Variants in KLF16 observed in about 807,000 individuals in gnomAD.
KLF16 encodes KLF transcription factor 16.
A neutral mutation model predicts 6.1 loss-of-function variants in KLF16; 6 were observed. That is an observed-to-expected ratio of 0.98 (90% CI 0.54 to 1.93). KLF16 has a LOEUF of 1.93. Among genes scored for constraint, KLF16 ranks in the 30% most tolerant of loss-of-function variants. The pLI, the probability that KLF16 is intolerant of heterozygous loss-of-function variation, is 0.01. For synonymous variants in KLF16, 211 were observed against 176.5 expected (o/e 1.20, Z -1.55); for missense variants, 355 against 363.8 (o/e 0.98, Z 0.20).
At chr19:1,855,450 C>T (rs1332775295) in intron 1 of KLF16, among the ~76,000 whole-genome samples, 3 of 147,334 alleles carry the variant, frequency 2.0e-5, no homozygotes, top group Admixed American at 6.7e-5. Context: ...CGGGAAGGGG[C>T]GGGGCCCGGC....
In KLF16 at chr19:1,857,198, G is replaced by A. The variant is rs964696054; in HGVS notation, c.458-2438C>T. Among the ~76,000 whole-genome samples, 1 of 152,190 alleles carries A rather than the reference G, an allele frequency of 6.6e-6. No homozygotes were observed. Among genetic ancestry groups the A allele is most frequent in the African/African-American group, 2.4e-5 (1 of 41,452 alleles). The stretch of plus-strand genomic sequence containing the variant: ...GTGGGTGGCGGGGCAGGGGGTGCAC[G>A]GGCTACCCACCCACGCTGCGCTGGG... On this transcript the variant is annotated intron_variant, in intron 1 of 1. Transcript: ENST00000250916. The surrounding 1 kb of genome is among the most constrained non-coding windows in gnomAD (Gnocchi z 4.7).
chr19:1,864,578 AGGGCT>A (rs762094287), upstream of KLF16, among the ~76,000 whole-genome samples: 16 of 147,298 alleles, frequency 1.1e-4, no homozygotes, highest in South Asian at 2.3e-4. Context: ...CCGAACGCAA[AGGGCT>A]GGGCTGGGCT....
chr19:1,863,528 G>T lies in KLF16; in HGVS notation c.-31C>A. Reference sequence around the variant, plus strand: ...GCAAGGGCGCGCGGCGCGGCGGGCGGAGCGGAGGCGGCGGGAGCGGCGTCC... The same window carrying T: ...GCAAGGGCGCGCGGCGCGGCGGGCGTAGCGGAGGCGGCGGGAGCGGCGTCC... On this transcript the variant is annotated 5_prime_UTR_variant, in exon 1 of 2. Coordinates refer to ENST00000250916, the MANE Select transcript of KLF16 (RefSeq NM_031918.4). 2.1e-6 allele frequency: 2 copies of T among 967,168 alleles called. No individual in the cohort carries two copies. Among genetic ancestry groups the T allele is most frequent in the South Asian group, 9.1e-5 (2 of 21,954 alleles). 59.9% of individuals were successfully genotyped at this position (967,168 alleles called of 1,614,324 possible). A position where few individuals can be genotyped will look rare whatever the true frequency, so the allele number is the denominator to read the frequency against.
chr19:1,854,843 G>A (rs1323124157), intron 1 of KLF16, 83 bp from the exon 2 acceptor site: 3 of 1,472,382 alleles, frequency 2.0e-6, no homozygotes, highest in Non-Finnish European at 2.8e-6. Flanking sequence ...CCCAAAGGGT[G>A]GCGGGCATTT....
chr19:1,863,940 T>A, upstream of KLF16, among the ~76,000 whole-genome samples: 1 of 88,014 alleles, frequency 1.1e-5, no homozygotes, highest in East Asian at 3.6e-4. Flanking sequence ...CGCGCCCCAC[T>A]CCAGCGCGCG....
upstream of KLF16, chr19:1,863,604 G>A (rs2012122435): frequency 2.6e-6 from 1 of 383,286 alleles, no homozygotes; most frequent in Non-Finnish European, 3.5e-6. Context: ...AGGAGGAGGA[G>A]GAGGCCCGGC....
chr19:1,871,140 A>G, the KLF16 span, among the ~76,000 whole-genome samples: 1 of 152,234 alleles, frequency 6.6e-6, no homozygotes, highest in East Asian at 1.9e-4. Context: ...ATCAGGCAGA[A>G]CCGTCAGTCC....
chr19:1,857,035 A>G lies in KLF16; in HGVS notation c.458-2275T>C, dbSNP rs1228174325. 6.9e-6 allele frequency among the ~76,000 whole-genome samples: 1 copy of G among 144,654 alleles called. No individual in the cohort carries two copies. Among genetic ancestry groups the G allele is most frequent in the East Asian group, 2.1e-4 (1 of 4,708 alleles). The allele number at this position is 144,654 out of a possible 152,430, so 94.9% of individuals were successfully genotyped here. A position where few individuals can be genotyped will look rare whatever the true frequency, so the allele number is the denominator to read the frequency against. On this transcript the variant is annotated intron_variant, in intron 1 of 1. Transcript: ENST00000250916. This position sits in a 1 kb window ranked among gnomAD's most constrained non-coding sequence, Gnocchi z 4.7. ...GTAGCTCGGCGGCGGCGGCGGGGAC[A>G]TCCGCAGCCCCAGCCGGCCCCGCTC...
At chr19:1,869,218 C>T in the KLF16 span, among the ~76,000 whole-genome samples, 5 of 152,222 alleles carry the variant, frequency 3.3e-5, no homozygotes, top group East Asian at 1.9e-4. Flanking sequence ...GACTCACGCC[C>T]GTAATCCCAG....
Position 1,854,251 on chromosome 19 carries a change from C to CA in KLF16, c.*207dup. The CA allele has an allele frequency of 3.9e-6, 2 of 506,506 alleles. No homozygotes were observed. The highest frequency in any genetic ancestry group is 6.4e-6 in the Non-Finnish European group (2 of 313,844). 31.4% of individuals were successfully genotyped at this position (506,506 alleles called of 1,614,324 possible). On this transcript the variant is annotated 3_prime_UTR_variant, in exon 2 of 2. Transcript: ENST00000250916. Reference sequence around the variant, plus strand: ...TTAGTATCATGGCTATTTACAGACACAAGCCCCCGTCACCCATCCTGAGAG... The same window carrying CA: ...TTAGTATCATGGCTATTTACAGACACAAAGCCCCCGTCACCCATCCTGAGAG...
chr19:1,873,651 G>A, the KLF16 span, among the ~76,000 whole-genome samples: 1 of 152,236 alleles, frequency 6.6e-6, no homozygotes, highest in Non-Finnish European at 1.5e-5. Context: ...AGAACGGGAA[G>A]TTGGCCCTAC....
rs560206215 is a variant in KLF16, at chr19:1,857,688, G to A, written c.458-2928C>T. ...TGGGGTGGGGAGGGGGGCTGTGGCCGGCTGCCTGCCGGGGCACTCACGTCC... is the reference window on the plus strand; with the variant it reads ...TGGGGTGGGGAGGGGGGCTGTGGCCAGCTGCCTGCCGGGGCACTCACGTCC... On this transcript the variant is annotated intron_variant, in intron 1 of 1. Transcript: ENST00000250916. This position sits in a 1 kb window ranked among gnomAD's most constrained non-coding sequence, Gnocchi z 4.7. Among the ~76,000 whole-genome samples the A allele has an allele frequency of 6.6e-6, 1 of 152,122 alleles. No individual in the cohort carries two copies. The highest frequency in any genetic ancestry group is 2.1e-4 in the South Asian group (1 of 4,816).
Position 1,863,029 on chromosome 19 carries a change from GGCT to G in KLF16, c.457+9_457+11del. The G allele has an allele frequency of 7.4e-7, 1 of 1,354,530 alleles. No homozygotes were observed. The highest frequency in any genetic ancestry group is 9.7e-7 in the Non-Finnish European group (1 of 1,031,464). 83.9% of individuals were successfully genotyped at this position (1,354,530 alleles called of 1,614,324 possible). On this transcript the variant is annotated intron_variant, in intron 1 of 1. Coordinates refer to ENST00000250916, the MANE Select transcript of KLF16 (RefSeq NM_031918.4). ...CCGCCCCCGCAAGGGCCGGGATCGC[GGCT>G]GCACTCACCTGTGTGCGTCCGCAGG...
intron 1 of KLF16, chr19:1,861,341 G>C (rs1459644165): frequency 5.3e-5 from 8 of 152,102 alleles, no homozygotes; most frequent in African/African-American, 1.9e-4. Context: ...TTCCCAACAG[G>C]CTCCCACTTC....
At chr19:1,876,146 G>GCCACCGCCGCCGCCGTCT in the KLF16 span, 1 of 152,938 alleles carries the variant, frequency 6.5e-6, no homozygotes. Context: ...CCTGACGCCA[G>GCCACCGCCGCCGCCGTCT]CCACCGCCGC....
chr19:1,862,578 G>A (rs992525286), intron 1 of KLF16, among the ~76,000 whole-genome samples: 1 of 152,062 alleles, frequency 6.6e-6, no homozygotes, highest in Non-Finnish European at 1.5e-5. Context: ...GAATCCGCGC[G>A]GCCACCCCGG....
At chr19:1,861,360 C>G (rs1364177523) in intron 1 of KLF16, 1 of 152,274 alleles carries the variant, frequency 6.6e-6, no homozygotes. Context: ...TCAGCCCCGT[C>G]TGTTCAGATC....
upstream of KLF16, among the ~76,000 whole-genome samples, chr19:1,866,632 G>A (rs1358732956): frequency 2.0e-5 from 3 of 150,772 alleles, no homozygotes; most frequent in African/African-American, 7.3e-5. Context: ...AAAAATTAGC[G>A]GGCGCAGTGG....
chr19:1,863,963 T>G (rs1298702827), upstream of KLF16, among the ~76,000 whole-genome samples: 1 of 133,814 alleles, frequency 7.5e-6, no homozygotes, highest in Non-Finnish European at 1.6e-5. Context: ...CCCGTACCCT[T>G]TCCCGGAGCA....
Sources: gnomAD v4.1 joint callset for allele counts (sites outside exome capture counted in the v4.1 genomes callset) on GRCh38, gnomAD v4.1.1 for gene constraint, Gnocchi (gnomAD v3.1) non-coding constraint, MANE v1.5 for transcripts, NCBI Gene and HGNC (gene_info 2026-07-23, HGNC 2026-07-21) for gene names.